KCNQ1: variants seen among roughly 807,000 people sequenced by gnomAD.
KCNQ1 encodes potassium voltage-gated channel subfamily Q member 1, also known as potassium voltage-gated channel subfamily KQT member 1.
Under a neutral mutation model 72.4 loss-of-function variants are expected in KCNQ1, and 49 were observed. The observed-to-expected ratio is 0.68, with a 90% CI of 0.54 to 0.86. KCNQ1 has a LOEUF of 0.86. Ranked by LOEUF, KCNQ1 falls within the 40% of genes least tolerant of loss-of-function variation. The pLI is 0.00. For missense variants in KCNQ1, 790 were observed against 945.1 expected (o/e 0.84, Z 2.15); for synonymous variants, 450 against 412.6 (o/e 1.09, Z -1.10).
chr11:2,695,220 TAA>T lies in KCNQ1; in HGVS notation c.1514+33141_1514+33142del. ...CACTGTCACCCTGTAAGGGTCTGCA[TAA>T]AGTCACCGCTCTCTTCCTCTCCATG... On this transcript the variant is annotated intron_variant, in intron 11 of 15. Coordinates refer to ENST00000155840, the MANE Select transcript of KCNQ1 (RefSeq NM_000218.3). The surrounding 1 kb of genome is among the most constrained non-coding windows in gnomAD (Gnocchi z 5.2). The T allele has an allele frequency of 2.5e-6, 1 of 398,634 alleles. No individual in the cohort carries two copies. The highest frequency in any genetic ancestry group is 4.4e-6 in the Non-Finnish European group (1 of 226,092). 24.7% of individuals were successfully genotyped at this position (398,634 alleles called of 1,614,324 possible).
At chr11:2,648,351 T>C (rs1849699850) in intron 10 of KCNQ1, 3 of 398,544 alleles carry the variant, frequency 7.5e-6, no homozygotes, top group Non-Finnish European at 1.3e-5. Context: ...TTCCTTGAGA[T>C]GCGTTTATTA....
intron 10 of KCNQ1, chr11:2,616,940 C>A: frequency 2.5e-6 from 1 of 394,518 alleles, no homozygotes; most frequent in South Asian, 1.3e-4. Flanking sequence ...GGGCTTCTGT[C>A]TGGCTGTACA....
chr11:2,630,266 G>A, intron 10 of KCNQ1: 1 of 397,986 alleles, frequency 2.5e-6, no homozygotes, highest in East Asian at 3.6e-5. Flanking sequence ...TAAATCCCAT[G>A]TTTGTGATAT....
At chr11:2,806,891 T>A (rs1408584821) in intron 15 of KCNQ1, among the ~76,000 whole-genome samples, 2 of 151,862 alleles carry the variant, frequency 1.3e-5, no homozygotes, top group African/African-American at 4.8e-5. Context: ...TTCTCCACTC[T>A]CAGGCCAGCC....
intron 11 of KCNQ1, among the ~76,000 whole-genome samples, chr11:2,732,224 G>A (rs1185422720): frequency 6.6e-6 from 1 of 152,194 alleles, no homozygotes; most frequent in Non-Finnish European, 1.5e-5. Flanking sequence ...TGCCTCAGGA[G>A]CATTGCTGGC....
intron 11 of KCNQ1, chr11:2,688,189 G>A (rs1225440693): frequency 2.5e-6 from 1 of 398,732 alleles, no homozygotes; most frequent in Non-Finnish European, 4.4e-6. Flanking sequence ...CAAGCAAGGG[G>A]GCAGGAGGGG....
intron 1 of KCNQ1, among the ~76,000 whole-genome samples, chr11:2,513,210 G>A (rs1375601121): frequency 6.6e-6 from 1 of 152,140 alleles, no homozygotes; most frequent in African/African-American, 2.4e-5. Context: ...TCTCCTGGCC[G>A]TGTCATTGCA....
intron 15 of KCNQ1, among the ~76,000 whole-genome samples, chr11:2,834,195 T>C (rs539785832): frequency 2.6e-5 from 4 of 151,570 alleles, no homozygotes; most frequent in Admixed American, 2.6e-4. Flanking sequence ...ATGGCATGGC[T>C]GGGGCTGGGG....
chr11:2,527,887 G>A (rs1847537340), intron 1 of KCNQ1, 41 bp from the exon 2 acceptor site: 2 of 1,573,526 alleles, frequency 1.3e-6, no homozygotes, highest in Non-Finnish European at 1.7e-6. Flanking sequence ...TGTGGGATGG[G>A]CAGAGGCCGT....
intron 1 of KCNQ1, among the ~76,000 whole-genome samples, chr11:2,487,225 G>A (rs1175532190): frequency 1.3e-5 from 2 of 152,108 alleles, no homozygotes; most frequent in Non-Finnish European, 2.9e-5. Flanking sequence ...TGTTCCATTG[G>A]TTTATATGTC....
chr11:2,648,968 CTTTT>C (rs1256301442), intron 10 of KCNQ1: 1 of 369,234 alleles, frequency 2.7e-6, no homozygotes, highest in African/African-American at 2.5e-5. Flanking sequence ...TCCTTTGTCT[CTTTT>C]TTCTTTTTCT....
Position 2,570,679 on chromosome 11 carries a change from T to G in KCNQ1, c.529T>G (p.Ser177Ala). The part of the protein sequence containing the change: ...FGTEYVVRLW[S>A]AGCRSKYVGL... ...GACGGAGTACGTGGTCCGCCTCTGG[T>G]CCGCCGGCTGCCGCAGCAAGTACGT... Residue 177 changes from serine (S) to alanine (A), a missense_variant, in exon 3 of 16, where the codon TCC becomes GCC. Physicochemically the swap from Ser to Ala is moderately conservative, Grantham distance 99. Around this residue, in one of 5 missense-constraint regions of KCNQ1, gnomAD observed 294 missense variants for 323.3 expected, o/e 0.91. Coordinates refer to ENST00000155840, the MANE Select transcript of KCNQ1 (RefSeq NM_000218.3). 6.2e-7 allele frequency: 1 copy of G among 1,612,494 alleles called. No homozygotes were observed. The highest frequency in any genetic ancestry group is 8.5e-7 in the Non-Finnish European group (1 of 1,180,000).
Position 2,752,599 on chromosome 11 carries a change from CG to C in KCNQ1, c.1515-16244del, listed in dbSNP as rs779658344. On this transcript the variant is annotated intron_variant, in intron 11 of 15. Coordinates refer to ENST00000155840, the MANE Select transcript of KCNQ1 (RefSeq NM_000218.3). This position sits in a 1 kb window ranked among gnomAD's most constrained non-coding sequence, Gnocchi z 5.2. Reference sequence around the variant, plus strand: ...TGGAAGTCAGCGGGCTGTGTCCTCACGTGGCAGAAGAGGCAAAAATAAGGTG... The same window carrying C: ...TGGAAGTCAGCGGGCTGTGTCCTCACTGGCAGAAGAGGCAAAAATAAGGTG... Among the ~76,000 whole-genome samples, 1 of 152,046 alleles carries C rather than the reference CG, an allele frequency of 6.6e-6. No homozygotes were observed. Among genetic ancestry groups the C allele is most frequent in the Non-Finnish European group, 1.5e-5 (1 of 68,024 alleles).
chr11:2,837,636 G>C (rs1293982825), intron 15 of KCNQ1, among the ~76,000 whole-genome samples: 1 of 152,192 alleles, frequency 6.6e-6, no homozygotes, highest in African/African-American at 2.4e-5. Context: ...GAAAGCAGGG[G>C]AAGTGGCCAC....
chr11:2,765,542 A>G (rs1375896198), intron 11 of KCNQ1, among the ~76,000 whole-genome samples: 2 of 152,224 alleles, frequency 1.3e-5, no homozygotes, highest in Non-Finnish European at 2.9e-5. Flanking sequence ...TGACTTGACA[A>G]AGCTTTGACT....
intron 10 of KCNQ1, chr11:2,625,261 A>AT: frequency 2.5e-6 from 1 of 398,462 alleles, no homozygotes. Flanking sequence ...TTTATGTGGG[A>AT]TTTTTTTGAG....
In KCNQ1 at chr11:2,724,354, C is replaced by T. The variant is rs1277672624; in HGVS notation, c.1515-44490C>T. On this transcript the variant is annotated intron_variant, in intron 11 of 15. Transcript: ENST00000155840. The surrounding 1 kb of genome is among the most constrained non-coding windows in gnomAD (Gnocchi z 6.8). The stretch of plus-strand genomic sequence containing the variant: ...TCAGGAGTGACAGCGTCCTCCCGCC[C>T]GGATTGGGTTTCTGCACAGTGGAAT... Among the ~76,000 whole-genome samples the T allele has an allele frequency of 2.6e-5, 4 of 152,282 alleles. No homozygotes were observed. The highest frequency in any genetic ancestry group is 1.9e-4 in the East Asian group (1 of 5,176).
At position 2,668,469 on chromosome 11, in the gene KCNQ1, G is replaced by A. The variant is rs575954624; in HGVS notation, c.1514+6388G>A. 47 of 398,504 alleles carry A rather than the reference G, an allele frequency of 1.2e-4. No individual in the cohort carries two copies. Among genetic ancestry groups the A allele is most frequent in the South Asian group, 3.8e-4 (3 of 7,840 alleles). 24.7% of individuals were successfully genotyped at this position (398,504 alleles called of 1,614,324 possible). On this transcript the variant is annotated intron_variant, in intron 11 of 15. Coordinates refer to ENST00000155840, the MANE Select transcript of KCNQ1 (RefSeq NM_000218.3). This position sits in a 1 kb window ranked among gnomAD's most constrained non-coding sequence, Gnocchi z 4.3. ...ATCCTAACACTTGGCATTTTCCGTCGTTTCCTTTTCAGCCATGATGGTGAA... is the reference window on the plus strand; with the variant it reads ...ATCCTAACACTTGGCATTTTCCGTCATTTCCTTTTCAGCCATGATGGTGAA...
At chr11:2,662,656 C>T (rs1017467973) in intron 11 of KCNQ1, 18 of 406,458 alleles carry the variant, frequency 4.4e-5, no homozygotes, top group South Asian at 1.2e-4. Context: ...GATTCCCCTG[C>T]GACATGTGAC....
Sources: gnomAD v4.1 joint callset for allele counts (sites outside exome capture counted in the v4.1 genomes callset) on GRCh38, gnomAD v4.1.1 for gene constraint, gnomAD v4.1.1 regional missense constraint, Gnocchi (gnomAD v3.1) non-coding constraint, MANE v1.5 for transcripts, NCBI Gene and HGNC (gene_info 2026-07-23, HGNC 2026-07-21) for gene names.